The following ZNF679 variants were observed in gnomAD, a reference collection of about 807,000 sequenced individuals.
ZNF679 encodes hypothetical protein MGC42415.
Under a neutral mutation model 13.4 loss-of-function variants are expected in ZNF679, and 10 were observed. The observed-to-expected ratio is 0.75, with a 90% CI of 0.46 to 1.27. ZNF679 has a LOEUF of 1.27. Ranked by LOEUF, ZNF679 falls within the 50% of genes most tolerant of loss-of-function variation. The pLI is 0.00. For synonymous variants in ZNF679, 179 were observed against 162.5 expected (o/e 1.10, Z -0.77); for missense variants, 525 against 477.8 (o/e 1.10, Z -0.92).
chr7:64,252,558 G>A (rs564581266), intron 2 of ZNF679, among the ~76,000 whole-genome samples: 19 of 152,262 alleles, frequency 1.2e-4, no homozygotes, highest in Non-Finnish European at 2.4e-4. Flanking sequence ...GAAATAATAT[G>A]AAAAATGTCT....
intron 1 of ZNF679, among the ~76,000 whole-genome samples, chr7:64,245,913 G>A (rs761283823): frequency 6.6e-6 from 1 of 152,204 alleles, no homozygotes; most frequent in Non-Finnish European, 1.5e-5. Flanking sequence ...GGCTGAGGCA[G>A]GAGAATCGCT....
intron 1 of ZNF679, among the ~76,000 whole-genome samples, chr7:64,234,763 A>T (rs1370806570): frequency 6.6e-6 from 1 of 152,208 alleles, no homozygotes; most frequent in Non-Finnish European, 1.5e-5. Flanking sequence ...TTATGGAGCA[A>T]TAGAAGACTA....
intron 1 of ZNF679, among the ~76,000 whole-genome samples, chr7:64,234,869 G>A (rs991529404): frequency 2.0e-5 from 3 of 152,002 alleles, no homozygotes; most frequent in South Asian, 2.1e-4. Context: ...ACAGAGTCTC[G>A]CTCTGTCACC....
intron 1 of ZNF679, among the ~76,000 whole-genome samples, chr7:64,233,814 G>A (rs1693779941): frequency 6.6e-6 from 1 of 152,164 alleles, no homozygotes; most frequent in African/African-American, 2.4e-5. Context: ...CATCAGAAGT[G>A]CAAAAGGTCT....
chr7:64,230,462 A>G (rs1473945207), intron 1 of ZNF679, among the ~76,000 whole-genome samples: 4 of 150,928 alleles, frequency 2.7e-5, no homozygotes, highest in African/African-American at 9.7e-5. Context: ...GAACCCGGGA[A>G]GCGGAGCTTG....
rs56035500 is a variant in ZNF679 at position 64,260,406 on chromosome 7, G to GT, written c.166+65dup. On this transcript the variant is annotated intron_variant, in intron 3 of 4. Transcript: ENST00000421025. ...ATTTCTTTTCTCTCTTTTCTAAAAT[G>GT]TTTTTTGGTAATTTCTGCTTTGCAT... 33 of 1,557,082 alleles carry GT rather than the reference G, an allele frequency of 2.1e-5. No individual in the cohort carries two copies. In the South Asian group the frequency reaches 4.1e-4, roughly 19 times the overall value.
Position 64,266,302 on chromosome 7 carries a change from C to T in ZNF679, c.669C>T (p.Cys223=), listed in dbSNP as rs375538893. ...AAGAATGCGGCAAACCCTTCAACTG[C>T]TCTTCAACCCTTTCTAAACATAAAA... ...QCEECGKPFN[C]SSTLSKHKRI... Residue 223 remains cysteine, a synonymous_variant, in exon 5 of 5, where the codon TGC becomes TGT. Coordinates refer to ENST00000421025, the MANE Select transcript of ZNF679 (RefSeq NM_153363.3). The T allele has an allele frequency of 3.5e-5, 56 of 1,608,168 alleles. No individual in the cohort carries two copies. In the African/African-American group the frequency reaches 6.8e-4, roughly 20 times the overall value.
At chr7:64,247,458 T>C (rs753605993) in intron 1 of ZNF679, among the ~76,000 whole-genome samples, 1 of 152,234 alleles carries the variant, frequency 6.6e-6, no homozygotes, top group Non-Finnish European at 1.5e-5. Flanking sequence ...TAAAAATGTA[T>C]ATGCTTTATT....
At chr7:64,241,273 T>C (rs1787795292) in intron 1 of ZNF679, among the ~76,000 whole-genome samples, 1 of 151,938 alleles carries the variant, frequency 6.6e-6, no homozygotes, top group Admixed American at 6.6e-5. Flanking sequence ...TCTTCAGGTA[T>C]GAGTCATCAT....
intron 2 of ZNF679, among the ~76,000 whole-genome samples, chr7:64,259,861 T>G (rs1333854447): frequency 1.3e-5 from 2 of 150,992 alleles, no homozygotes; most frequent in South Asian, 2.1e-4. Context: ...CCAGGAGGCG[T>G]AGGTTTCAGT....
At chr7:64,233,381 A>G (rs2116506650) in intron 1 of ZNF679, among the ~76,000 whole-genome samples, 1 of 152,008 alleles carries the variant, frequency 6.6e-6, no homozygotes, top group Non-Finnish European at 1.5e-5. Context: ...AGTCCTAGCT[A>G]TTGGGAGGCT....
At chr7:64,257,188 G>C (rs751540411) in intron 2 of ZNF679, among the ~76,000 whole-genome samples, 2 of 152,180 alleles carry the variant, frequency 1.3e-5, no homozygotes, top group Non-Finnish European at 2.9e-5. Context: ...TTTGTAAATT[G>C]AGATCTTTCT....
intron 1 of ZNF679, among the ~76,000 whole-genome samples, chr7:64,238,001 T>C (rs975987575): frequency 2.0e-5 from 3 of 152,168 alleles, no homozygotes; most frequent in African/African-American, 7.2e-5. Flanking sequence ...TAAGAACAAC[T>C]TACTGCAAAG....
At chr7:64,258,913 T>C (rs1788040147) in intron 2 of ZNF679, among the ~76,000 whole-genome samples, 1 of 152,008 alleles carries the variant, frequency 6.6e-6, no homozygotes, top group South Asian at 2.1e-4. Flanking sequence ...TGTTTTGTTT[T>C]GTTTTGTTTG....
intron 1 of ZNF679, among the ~76,000 whole-genome samples, chr7:64,243,907 T>A (rs575132102): frequency 6.6e-6 from 1 of 152,282 alleles, no homozygotes; most frequent in Non-Finnish European, 1.5e-5. Context: ...CCTCCTCTGT[T>A]TTTTCCAAGG....
Position 64,258,522 on chromosome 7 carries a change from G to A in ZNF679, c.40-1699G>A, listed in dbSNP as rs573429544. Among the ~76,000 whole-genome samples the A allele has an allele frequency of 8.6e-5, 13 of 152,026 alleles. No homozygotes were observed. In the South Asian group the frequency reaches 2.7e-3, roughly 32 times the overall value. ...TCGAGACCAGCCTGACCAACATGGTGAAAGTCCGTCTCTATTAAAAATACA... is the reference window on the plus strand; with the variant it reads ...TCGAGACCAGCCTGACCAACATGGTAAAAGTCCGTCTCTATTAAAAATACA... On this transcript the variant is annotated intron_variant, in intron 2 of 4. Transcript: ENST00000421025.
chr7:64,236,969 GAAAGAA>G (rs770904660), intron 1 of ZNF679, among the ~76,000 whole-genome samples: 29 of 33,608 alleles, frequency 8.6e-4, no homozygotes, highest in Middle Eastern at 0.014. Flanking sequence ...AAGAAAGAAA[GAAAGAA>G]AAAGAAAGAA....
At chr7:64,241,342 G>A (rs368274859) in intron 1 of ZNF679, among the ~76,000 whole-genome samples, 47 of 152,348 alleles carry the variant, frequency 3.1e-4, no homozygotes, top group African/African-American at 1.1e-3. Context: ...GACAGACCAC[G>A]CACAAGGGTT....
chr7:64,240,465 A>T (rs540799951), intron 1 of ZNF679, among the ~76,000 whole-genome samples: 8 of 152,314 alleles, frequency 5.3e-5, no homozygotes, highest in African/African-American at 1.9e-4. Context: ...TAAAGGACAT[A>T]GTGTATTATG....
Sources: gnomAD v4.1 joint callset for allele counts (sites outside exome capture counted in the v4.1 genomes callset) on GRCh38, gnomAD v4.1.1 for gene constraint, MANE v1.5 for transcripts, NCBI Gene and HGNC (gene_info 2026-07-23, HGNC 2026-07-21) for gene names.